DNER: variants seen among roughly 807,000 people sequenced by gnomAD.
DNER encodes the protein delta and Notch-like epidermal growth factor-related receptor.
Under a neutral mutation model 78.2 loss-of-function variants are expected in DNER, and 33 were observed. That is an observed-to-expected ratio of 0.42 (90% CI 0.32 to 0.56). DNER has a LOEUF of 0.56. DNER is among the 20% of genes least tolerant of loss of function. DNER has a pLI of 0.11. For missense variants in DNER, 918 were observed against 975.3 expected, an observed-to-expected ratio of 0.94 and a Z score of 0.78; for synonymous variants, 417 against 384.8, an observed-to-expected ratio of 1.08 and a Z score of -0.98.
intron 1 of DNER, among the ~76,000 whole-genome samples, chr2:229,656,627 A>G (rs1213702763): frequency 6.6e-6 from 1 of 152,054 alleles, no homozygotes; most frequent in Non-Finnish European, 1.5e-5. Flanking sequence ...AATTAAAATA[A>G]CTCCACTGCC....
intron 6 of DNER, among the ~76,000 whole-genome samples, chr2:229,480,491 A>C (rs767525062): frequency 9.9e-5 from 15 of 152,238 alleles, no homozygotes; most frequent in South Asian, 4.1e-4. Flanking sequence ...ACTGTCTGAT[A>C]ATGCACAAAT....
intron 4 of DNER, among the ~76,000 whole-genome samples, chr2:229,574,389 G>C (rs1360680907): frequency 2.0e-5 from 3 of 152,070 alleles, no homozygotes; most frequent in African/African-American, 4.8e-5. Flanking sequence ...ATAGTACATT[G>C]ATTCAATGGA....
At chr2:229,578,734 C>T in intron 4 of DNER, among the ~76,000 whole-genome samples, 1 of 152,158 alleles carries the variant, frequency 6.6e-6, no homozygotes, top group East Asian at 1.9e-4. Flanking sequence ...TACCCCAGCT[C>T]CAGTTGCTTT....
chr2:229,478,759 G>A (rs1014831798), intron 6 of DNER, among the ~76,000 whole-genome samples: 8 of 151,916 alleles, frequency 5.3e-5, no homozygotes, highest in East Asian at 1.9e-4. Flanking sequence ...CCATACTCAC[G>A]TAACCTTATG....
At chr2:229,574,977 AG>A (rs1334483268) in intron 4 of DNER, among the ~76,000 whole-genome samples, 2 of 152,240 alleles carry the variant, frequency 1.3e-5, no homozygotes, top group Admixed American at 6.5e-5. Flanking sequence ...TAAAAGAAAA[AG>A]GGAAAGTTTT....
intron 1 of DNER, among the ~76,000 whole-genome samples, chr2:229,619,064 G>A (rs142896241): frequency 5.3e-5 from 8 of 152,182 alleles, no homozygotes; most frequent in Non-Finnish European, 8.8e-5. Context: ...GCTGAAGATC[G>A]CTTGAGCCAA....
intron 9 of DNER, among the ~76,000 whole-genome samples, chr2:229,415,162 C>CA (rs59973085): frequency 6.7e-5 from 10 of 149,044 alleles, no homozygotes; most frequent in South Asian, 2.1e-4. Flanking sequence ...AACTCCATCA[C>CA]AAAAAAAAAA....
At chr2:229,691,864 G>A (rs1699579387) in intron 1 of DNER, among the ~76,000 whole-genome samples, 3 of 152,134 alleles carry the variant, frequency 2.0e-5, no homozygotes, top group South Asian at 2.1e-4. Flanking sequence ...AGATGCACAC[G>A]TGACCCAAGT....
chr2:229,426,212 C>A (rs184847079), intron 8 of DNER, among the ~76,000 whole-genome samples: 51 of 151,908 alleles, frequency 3.4e-4, no homozygotes, highest in Non-Finnish European at 6.6e-4. Flanking sequence ...GAGGCCGAGG[C>A]GGATGGATCA....
intron 1 of DNER, among the ~76,000 whole-genome samples, chr2:229,629,294 C>T (rs1024587221): frequency 1.3e-5 from 2 of 152,170 alleles, no homozygotes; most frequent in African/African-American, 4.8e-5. Context: ...TTCCAATATT[C>T]TAGTAAGGAG....
chr2:229,549,754 T>C (rs1309295791), intron 4 of DNER, among the ~76,000 whole-genome samples: 1 of 151,782 alleles, frequency 6.6e-6, no homozygotes, highest in African/African-American at 2.4e-5. Flanking sequence ...CTACTAAAAA[T>C]ACAAAAATTA....
chr2:229,553,990 A>G (rs1696797893), intron 4 of DNER, among the ~76,000 whole-genome samples: 1 of 152,226 alleles, frequency 6.6e-6, no homozygotes. Flanking sequence ...AAAAGGTGCT[A>G]AGACAATGTG....
chr2:229,549,682 C>A (rs927491696), intron 4 of DNER, among the ~76,000 whole-genome samples: 1 of 152,040 alleles, frequency 6.6e-6, no homozygotes, highest in Admixed American at 6.5e-5. Context: ...GAGGCAGAAG[C>A]GCGTGGATCA....
chr2:229,494,266 T>C (rs1250065900), intron 6 of DNER, among the ~76,000 whole-genome samples: 3 of 152,196 alleles, frequency 2.0e-5, no homozygotes, highest in African/African-American at 4.8e-5. Context: ...CTCATCCACA[T>C]ACCATCTAAA....
At chr2:229,412,186 C>G (rs917251637) in intron 9 of DNER, among the ~76,000 whole-genome samples, 7 of 152,166 alleles carry the variant, frequency 4.6e-5, no homozygotes, top group Admixed American at 3.3e-4. Flanking sequence ...ACAAACCAGG[C>G]TTGAACTAGT....
Position 229,512,924 on chromosome 2 carries a change from A to T in DNER, c.1006T>A (p.Cys336Ser). 6.2e-7 allele frequency: 1 copy of T among 1,613,944 alleles called. No homozygotes were observed. Among genetic ancestry groups the T allele is most frequent in the Non-Finnish European group, 8.5e-7 (1 of 1,179,924 alleles). Residue 336 changes from cysteine to serine, a missense_variant, in exon 6 of 13, where the codon TGT becomes AGT. By Grantham distance (112) the Cys-to-Ser change is moderately radical (BLOSUM62 -1). Transcript: ENST00000341772. Reference protein sequence around the residue: ...TTKPSEATFSCTCEEQYVGTF... With the variant: ...TTKPSEATFSSTCEEQYVGTF... ...CCCACGTACTGCTCCTCACAGGTAC[A>T]GGAAAAAGTTGCCTAAAACACAAAA...
intron 1 of DNER, among the ~76,000 whole-genome samples, chr2:229,601,334 TA>T (rs201163463): frequency 2.0e-5 from 3 of 151,496 alleles, no homozygotes; most frequent in African/African-American, 4.9e-5. Context: ...AATAAAGATA[TA>T]AAAAAAAATC....
chr2:229,537,667 C>T lies in DNER; in HGVS notation c.993+9280G>A, dbSNP rs1277349103. 2.0e-5 allele frequency among the ~76,000 whole-genome samples: 3 copies of T among 152,166 alleles called. No homozygotes were observed. In the East Asian group the frequency reaches 5.8e-4, roughly 29 times the overall value. ...TCCCCAATGCTTCTATAACTGTCCG[C>T]ATGGGACATACATTTCAACCTTCTG... On this transcript the variant is annotated intron_variant, in intron 5 of 12. Transcript: ENST00000341772.
intron 4 of DNER, among the ~76,000 whole-genome samples, chr2:229,559,530 A>G (rs1187992788): frequency 6.6e-6 from 1 of 152,190 alleles, no homozygotes; most frequent in Non-Finnish European, 1.5e-5. Context: ...TGGCAACGTT[A>G]GCATGGAAGA....
Sources: allele counts gnomAD v4.1 joint callset (sites outside exome capture counted in the v4.1 genomes callset), GRCh38; gene constraint gnomAD v4.1.1; transcripts MANE v1.5; gene names NCBI Gene and HGNC (gene_info 2026-07-23, HGNC 2026-07-21).